Variants in NAGLU observed in about 807,000 individuals in gnomAD.
The protein encoded by NAGLU is alpha-N-acetylglucosaminidase.
In NAGLU, 34 loss-of-function variants were observed where a neutral mutation model predicts 43.4. The ratio of observed to expected loss-of-function variants is 0.78; its 90% CI spans 0.60 to 1.04. The LOEUF is 1.04. Ranked by LOEUF, NAGLU falls within the 50% of genes least tolerant of loss-of-function variation. The pLI is 0.00. For missense variants in NAGLU, 910 were observed against 993.7 expected, an observed-to-expected ratio of 0.92 and a Z score of 1.13; for synonymous variants, 425 against 437.6, an observed-to-expected ratio of 0.97 and a Z score of 0.36.
Position 42,536,241 on chromosome 17 carries a change from CT to C in NAGLU, c.-31del. 4.9e-6 allele frequency: 6 copies of C among 1,213,280 alleles called. No homozygotes were observed. The highest frequency in any genetic ancestry group is 6.2e-6 in the Non-Finnish European group (6 of 975,276). The allele number at this position is 1,213,280 out of a possible 1,614,324, so 75.2% of individuals were successfully genotyped here. On this transcript the variant is annotated 5_prime_UTR_variant, in exon 1 of 6. Transcript: ENST00000225927. The stretch of plus-strand genomic sequence containing the variant: ...GATTGGACGCGGGCCGCCCCACCCC[CT>C]GGCCGTCGCGGGACCCGCAGGACTG...
In NAGLU at chr17:42,536,543, C is replaced by G; in HGVS notation, c.271C>G (p.Arg91Gly). 1 of 1,464,282 alleles carries G rather than the reference C, an allele frequency of 6.8e-7. No individual in the cohort carries two copies. Among genetic ancestry groups the G allele is most frequent in the Non-Finnish European group, 9.0e-7 (1 of 1,113,894 alleles). The allele number at this position is 1,464,282 out of a possible 1,614,324, so 90.7% of individuals were successfully genotyped here. ...CGTGGCGGCCGCCGCGGGGCTGCACCGCTACCTGCGCGACTTCTGTGGCTG... is the reference window on the plus strand; with the variant it reads ...CGTGGCGGCCGCCGCGGGGCTGCACGGCTACCTGCGCGACTTCTGTGGCTG... ...TGVAAAAGLH[R>G]YLRDFCGCHV... is the part of the protein sequence containing the mutation. Residue 91 changes from arginine (R) to glycine (G), a missense_variant, in exon 1 of 6, where the codon CGC (arginine) becomes GGC (glycine). Physicochemically the swap from Arg to Gly is moderately radical, Grantham distance 125. Transcript: ENST00000225927.
At chr17:42,538,520 T>G in intron 3 of NAGLU, 35 bp downstream of exon 3, 1 of 1,613,450 alleles carries the variant, frequency 6.2e-7, no homozygotes, top group Non-Finnish European at 8.5e-7. Context: ...GCAGAATCGG[T>G]GATAGATGGT....
In NAGLU at chr17:42,537,035, A is replaced by G. The variant is rs138479903; in HGVS notation, c.384-363A>G. On this transcript the variant is annotated intron_variant, in intron 1 of 5. Transcript: ENST00000225927. ...CCTGTGTTCCAGCGCCTGCCACACTATGGAGTGATGTGTTCACACAGCTGT... is the reference window on the plus strand; with the variant it reads ...CCTGTGTTCCAGCGCCTGCCACACTGTGGAGTGATGTGTTCACACAGCTGT... 3.3e-4 allele frequency: 148 copies of G among 444,806 alleles called. No individual in the cohort carries two copies. The East Asian group carries it at 6.9e-3, about 21-fold the overall frequency. 27.6% of individuals were successfully genotyped at this position (444,806 alleles called of 1,614,324 possible).
chr17:42,543,905 C>T lies in NAGLU; in HGVS notation c.1899C>T (p.Ala633=), dbSNP rs767268083. The change falls in exon 6 of 6, where the codon GCC becomes GCT. Residue 633 remains alanine (A), a synonymous_variant. Transcript: ENST00000225927. ...EQARAAAVSE[A]EADFYEQNSR... ...CCCGAGCAGCGGCAGTCAGTGAGGC[C>T]GAGGCCGATTTCTACGAGCAGAACA... 43 of 1,605,506 alleles carry T rather than the reference C, an allele frequency of 2.7e-5. No individual in the cohort carries two copies. Among genetic ancestry groups the T allele is most frequent in the African/African-American group, 1.9e-4 (14 of 74,766 alleles).
chr17:42,537,606 C>A, intron 2 of NAGLU, 61 bp downstream of exon 2: 1 of 1,593,306 alleles, frequency 6.3e-7, no homozygotes, highest in South Asian at 1.1e-5. Context: ...TAGGTGTTTT[C>A]ACCCGCCCCC....
intron 5 of NAGLU, among the ~76,000 whole-genome samples, chr17:42,542,111 G>A (rs563078227): frequency 5.3e-5 from 8 of 152,086 alleles, no homozygotes; most frequent in Non-Finnish European, 8.8e-5. Context: ...CACCCAGGCT[G>A]GAGTGCAGTG....
chr17:42,538,248 G>C lies in NAGLU; in HGVS notation c.532-91G>C, dbSNP rs150830186. The C allele has an allele frequency of 1.8e-4, 295 of 1,598,014 alleles. 1 individual carries two copies. In the African/African-American group the frequency reaches 3.5e-3, roughly 19 times the overall value. On this transcript the variant is annotated intron_variant, in intron 2 of 5. Transcript: ENST00000225927. ...TTTGTCTCAGTAGCCCTAGCACCCAGCACAAAGAAGCAATGAGTGAATGGT... is the reference window on the plus strand; with the variant it reads ...TTTGTCTCAGTAGCCCTAGCACCCACCACAAAGAAGCAATGAGTGAATGGT...
In NAGLU at chr17:42,544,015, A is replaced by C. The variant is rs2092930188; in HGVS notation, c.2009A>C (p.Tyr670Ser). 7.4e-6 allele frequency: 12 copies of C among 1,611,046 alleles called. No individual in the cohort carries two copies. Among genetic ancestry groups the C allele is most frequent in the Non-Finnish European group, 1.0e-5 (12 of 1,178,710 alleles). Residue 670 changes from tyrosine (Y) to serine (S), a missense_variant, in exon 6 of 6, where the codon TAC becomes TCC. Tyr to Ser is a moderately radical substitution (Grantham distance 144). Transcript: ENST00000225927. ...NKQLAGLVAN[Y>S]YTPRWRLFLE... Reference sequence around the variant, plus strand: ...CAGCTGGCGGGGTTGGTGGCCAACTACTACACCCCTCGCTGGCGGCTTTTC... The same window carrying C: ...CAGCTGGCGGGGTTGGTGGCCAACTCCTACACCCCTCGCTGGCGGCTTTTC...
In NAGLU at chr17:42,536,682, C is replaced by G. The variant is rs1405341693; in HGVS notation, c.383+27C>G. The G allele has an allele frequency of 2.1e-6, 3 of 1,444,188 alleles. No individual in the cohort carries two copies. In the East Asian group the frequency reaches 8.8e-5, roughly 43 times the overall value. The allele number at this position is 1,444,188 out of a possible 1,614,324, so 89.5% of individuals were successfully genotyped here. On this transcript the variant is annotated intron_variant, in intron 1 of 5. Coordinates refer to ENST00000225927, the MANE Select transcript of NAGLU (RefSeq NM_000263.4). The stretch of plus-strand genomic sequence containing the variant: ...TACCGCCCCGAAGCTTCCCCGCGTC[C>G]GCCCGAGGCGCTTACCCCCTCCCGG...
At position 42,536,548 on chromosome 17, in the gene NAGLU, C is replaced by T. The variant is rs753801626; in HGVS notation, c.276C>T (p.Tyr92=). 8.2e-6 allele frequency: 12 copies of T among 1,469,054 alleles called. No homozygotes were observed. Among genetic ancestry groups the T allele is most frequent in the Non-Finnish European group, 1.1e-5 (12 of 1,116,486 alleles). 91.0% of individuals were successfully genotyped at this position (1,469,054 alleles called of 1,614,324 possible). A position where few individuals can be genotyped will look rare whatever the true frequency, so the allele number is the denominator to read the frequency against. The change falls in exon 1 of 6, where the codon TAC becomes TAT. Residue 92 remains tyrosine (Y), a synonymous_variant. Transcript: ENST00000225927. ...GVAAAAGLHR[Y]LRDFCGCHVA... is the part of the protein sequence containing the mutation. ...CGGCCGCCGCGGGGCTGCACCGCTA[C>T]CTGCGCGACTTCTGTGGCTGCCACG...
At position 42,541,138 on chromosome 17, in the gene NAGLU, A is replaced by G; in HGVS notation, c.953A>G (p.Gln318Arg). ...IYGADTFNEM[Q>R]PPSSEPSYLA... The stretch of plus-strand genomic sequence containing the variant: ...GGGGCCGACACTTTCAATGAGATGC[A>G]GCCACCTTCCTCAGAGCCCTCCTAC... The change falls in exon 5 of 6, where the codon CAG becomes CGG. Residue 318 changes from glutamine to arginine, a missense_variant. Gln to Arg is a conservative substitution (Grantham distance 43). Coordinates refer to ENST00000225927, the MANE Select transcript of NAGLU (RefSeq NM_000263.4). 1.2e-6 allele frequency: 2 copies of G among 1,614,026 alleles called. No individual in the cohort carries two copies. Among genetic ancestry groups the G allele is most frequent in the South Asian group, 1.1e-5 (1 of 91,086 alleles).
At chr17:42,537,292 AGTTTGGAGCCCCTCCCCTCTCCTCTAG>A in intron 1 of NAGLU, 79 bp from the exon 2 acceptor site, 3 of 1,564,408 alleles carry the variant, frequency 1.9e-6, no homozygotes, top group Non-Finnish European at 1.8e-6. Flanking sequence ...AGAAGGGCCG[AGTTTGGAGCCCCTCCCCTCTCCTCTAG>A]GTGGGGGATG....
chr17:42,541,354 C>T (rs886685211), intron 5 of NAGLU, 148 bp downstream of exon 5: 14 of 1,256,560 alleles, frequency 1.1e-5, no homozygotes, highest in African/African-American at 8.9e-5. Context: ...TGTACACATG[C>T]GTTGTCTCAG....
chr17:42,540,238 T>G (rs1599257623), intron 4 of NAGLU, among the ~76,000 whole-genome samples: 1 of 144,832 alleles, frequency 6.9e-6, no homozygotes. Flanking sequence ...CCTTTCGCGG[T>G]GTGGGGGTCA....
At position 42,541,243 on chromosome 17, in the gene NAGLU, C is replaced by T. The variant is rs199835249; in HGVS notation, c.1021+37C>T. The T allele has an allele frequency of 1.1e-5, 18 of 1,608,086 alleles. No homozygotes were observed. The African/African-American group carries it at 2.3e-4, about 20-fold the overall frequency. The stretch of plus-strand genomic sequence containing the variant: ...GGGTGGGGTGGGAGAGCCCCCCAGA[C>T]CCTCAAAAAGAAGGGAGTAGCAGAT... On this transcript the variant is annotated intron_variant, in intron 5 of 5. Coordinates refer to ENST00000225927, the MANE Select transcript of NAGLU (RefSeq NM_000263.4).
rs1555621442 is a variant in NAGLU, at chr17:42,536,480, G to GGCGGC, written c.217_221dup (p.Val75ArgfsTer49). 2 of 1,214,482 alleles carry GGCGGC rather than the reference G, an allele frequency of 1.6e-6. No individual in the cohort carries two copies. The highest frequency in any genetic ancestry group is 1.6e-5 in the African/African-American group (1 of 62,608). 75.2% of individuals were successfully genotyped at this position (1,214,482 alleles called of 1,614,324 possible). A position where few individuals can be genotyped will look rare whatever the true frequency, so the allele number is the denominator to read the frequency against. ...CTTGGACACCTACAGCCTGGGCGGC[G>GGCGGC]GCGGCGCGGCGCGCGTGCGGGTGCG... On this transcript the variant is annotated frameshift_variant, in exon 1 of 6. Coordinates refer to ENST00000225927, the MANE Select transcript of NAGLU (RefSeq NM_000263.4). LOFTEE classifies it high-confidence loss of function.
Position 42,543,435 on chromosome 17 carries a change from A to C in NAGLU, c.1429A>C (p.Ser477Arg). 6.2e-7 allele frequency: 1 copy of C among 1,600,088 alleles called. No homozygotes were observed. Among genetic ancestry groups the C allele is most frequent in the Non-Finnish European group, 8.5e-7 (1 of 1,174,520 alleles). The change falls in exon 6 of 6, where the codon AGC becomes CGC. Residue 477 changes from serine to arginine, a missense_variant. By Grantham distance (110) the Ser-to-Arg change is moderately radical. Transcript: ENST00000225927. ...PVPDLAAWVT[S>R]FAARRYGVSH... is the part of the protein sequence containing the mutation. ...GCCAGATTTGGCAGCCTGGGTGACC[A>C]GCTTTGCCGCCCGGCGGTATGGGGT...
chr17:42,538,498 A>G lies in NAGLU; in HGVS notation c.678+13A>G, dbSNP rs1299110815. The G allele has an allele frequency of 2.5e-6, 4 of 1,613,760 alleles. No individual in the cohort carries two copies. In the Admixed American group the frequency reaches 6.7e-5, roughly 27 times the overall value. On this transcript the variant is annotated intron_variant, in intron 3 of 5. Coordinates refer to ENST00000225927, the MANE Select transcript of NAGLU (RefSeq NM_000263.4). ...GCTTTACCTGCAGGTAAAAGGATGG[A>G]AAAGGGAAGGGGCAGAATCGGTGAT...
intron 1 of NAGLU, 28 bp downstream of exon 1, chr17:42,536,683 G>A: frequency 6.9e-7 from 1 of 1,442,652 alleles, no homozygotes; most frequent in Non-Finnish European, 9.1e-7. Flanking sequence ...CCCCGCGTCC[G>A]CCCGAGGCGC....
Sources: gnomAD v4.1 joint callset for allele counts (sites outside exome capture counted in the v4.1 genomes callset) on GRCh38, gnomAD v4.1.1 for gene constraint, MANE v1.5 for transcripts, NCBI Gene and HGNC (gene_info 2026-07-23, HGNC 2026-07-21) for gene names.